CHN2: variants seen among roughly 807,000 people sequenced by gnomAD.
CHN2 encodes the protein beta-chimaerin.
A neutral mutation model predicts 56.3 loss-of-function variants in CHN2; 35 were observed. The ratio of observed to expected loss-of-function variants is 0.62; its 90% confidence interval spans 0.47 to 0.82. The LOEUF is 0.82. Ranked by LOEUF, CHN2 falls within the 40% of genes least tolerant of loss-of-function variation. CHN2 has a pLI of 0.00. For missense variants in CHN2, 491 were observed against 580.5 expected, an observed-to-expected ratio of 0.85 and a Z score of 1.58; for synonymous variants, 210 against 212.8, an observed-to-expected ratio of 0.99 and a Z score of 0.12.
intron 7 of CHN2, among the ~76,000 whole-genome samples, chr7:29,494,950 T>TA (rs5883217): frequency 0.073 from 4,683 of 64,512 alleles, 353 homozygotes; most frequent in East Asian, 0.28. Flanking sequence ...AAGCAGTTTG[T>TA]AAAAAAAAAA....
intron 6 of CHN2, among the ~76,000 whole-genome samples, chr7:29,417,994 G>C (rs964560767): frequency 6.6e-6 from 1 of 152,148 alleles, no homozygotes; most frequent in East Asian, 1.9e-4. Flanking sequence ...AGAATCTGTA[G>C]AATAGCACAC....
chr7:29,184,507 G>C (rs1347214231), intron 2 of CHN2: 2 of 152,184 alleles, frequency 1.3e-5, no homozygotes, highest in Middle Eastern at 3.2e-3. Flanking sequence ...TGTCAAGACA[G>C]CAGGCTGGAA....
chr7:29,175,199 G>GTTTTCTT, intron 2 of CHN2, among the ~76,000 whole-genome samples: 1 of 151,056 alleles, frequency 6.6e-6, no homozygotes, highest in African/African-American at 2.4e-5. Flanking sequence ...TTTTGAGACG[G>GTTTTCTT]GGCCTCTCTC....
At chr7:29,444,228 T>C (rs1181453480) in intron 6 of CHN2, among the ~76,000 whole-genome samples, 1 of 152,222 alleles carries the variant, frequency 6.6e-6, no homozygotes, top group Non-Finnish European at 1.5e-5. Context: ...AAATTCTATT[T>C]AACCCTTTGT....
chr7:29,386,669 G>A (rs1189246789), intron 3 of CHN2, among the ~76,000 whole-genome samples: 5 of 152,086 alleles, frequency 3.3e-5, no homozygotes, highest in Admixed American at 3.3e-4. Context: ...ACTGTTCTTT[G>A]GAGCTTGGCA....
intron 6 of CHN2, among the ~76,000 whole-genome samples, chr7:29,468,984 T>C (rs1785802918): frequency 6.6e-6 from 1 of 152,200 alleles, no homozygotes; most frequent in African/African-American, 2.4e-5. Context: ...CTCAGGCTTG[T>C]AAGTCCAACT....
In CHN2 at chr7:29,412,320, CTTTTTTTTTTTTT is replaced by C. The variant is rs1158746299; in HGVS notation, c.576+11508_576+11520del. On this transcript the variant is annotated intron_variant, in intron 6 of 12. Coordinates refer to ENST00000222792, the MANE Select transcript of CHN2 (RefSeq NM_004067.4). ...AGATTAAGGCGCTCTGCTAAAGAGT[CTTTTTTTTTTTTT>C]TTTTTTTTTTTTTTTGGGAGACGGA... Among the ~76,000 whole-genome samples, 22 of 69,504 alleles carry C rather than the reference CTTTTTTTTTTTTT, an allele frequency of 3.2e-4. 1 individual carries two copies. The highest frequency in any genetic ancestry group is 5.1e-4 in the East Asian group (1 of 1,942). 45.6% of individuals were successfully genotyped at this position (69,504 alleles called of 152,430 possible).
intron 1 of CHN2, among the ~76,000 whole-genome samples, chr7:29,216,830 T>G (rs1217849100): frequency 6.6e-6 from 1 of 152,226 alleles, no homozygotes; most frequent in African/African-American, 2.4e-5. Flanking sequence ...ACTTATGAAA[T>G]GCGAATGCTA....
intron 3 of CHN2, among the ~76,000 whole-genome samples, chr7:29,369,396 A>T (rs932966802): frequency 6.6e-6 from 1 of 152,238 alleles, no homozygotes; most frequent in Non-Finnish European, 1.5e-5. Context: ...GTAAATAGTC[A>T]TTCATTTATC....
At chr7:29,441,528 C>T (rs1783645709) in intron 6 of CHN2, among the ~76,000 whole-genome samples, 1 of 152,074 alleles carries the variant, frequency 6.6e-6, no homozygotes, top group Admixed American at 6.5e-5. Context: ...AGAGAACCTA[C>T]AAAATGGAGT....
chr7:29,240,210 C>A (rs1787544808), intron 1 of CHN2, among the ~76,000 whole-genome samples: 1 of 152,082 alleles, frequency 6.6e-6, no homozygotes, highest in South Asian at 2.1e-4. Flanking sequence ...GGTACACTGT[C>A]CCCTGAGCCT....
At chr7:29,433,468 G>A (rs1192381027) in intron 6 of CHN2, among the ~76,000 whole-genome samples, 1 of 152,174 alleles carries the variant, frequency 6.6e-6, no homozygotes, top group Non-Finnish European at 1.5e-5. Flanking sequence ...AGATTTTTTA[G>A]AGTGAAATGA....
At chr7:29,154,169 G>A (rs1377219560) in intron 2 of CHN2, among the ~76,000 whole-genome samples, 2 of 152,138 alleles carry the variant, frequency 1.3e-5, no homozygotes, top group Non-Finnish European at 2.9e-5. Context: ...TTGCCCCTGG[G>A]GAGGAGGGTG....
chr7:29,501,967 A>G (rs1790016529), intron 9 of CHN2, among the ~76,000 whole-genome samples: 1 of 152,218 alleles, frequency 6.6e-6, no homozygotes, highest in Admixed American at 6.5e-5. Flanking sequence ...TTCATCTATA[A>G]TATGAATGGA....
At chr7:29,300,306 G>A (rs892977129) in intron 1 of CHN2, among the ~76,000 whole-genome samples, 8 of 152,168 alleles carry the variant, frequency 5.3e-5, no homozygotes, top group African/African-American at 1.9e-4. Context: ...AAAAATAGGA[G>A]GTGAGGGTGA....
chr7:29,180,731 C>G (rs917414954), intron 2 of CHN2, among the ~76,000 whole-genome samples: 1 of 152,192 alleles, frequency 6.6e-6, no homozygotes, highest in Non-Finnish European at 1.5e-5. Context: ...TTAAGGGGCA[C>G]TAGAGTCCAG....
intron 6 of CHN2, among the ~76,000 whole-genome samples, chr7:29,468,391 C>T (rs1002082169): frequency 2.6e-5 from 4 of 152,096 alleles, no homozygotes; most frequent in Non-Finnish European, 5.9e-5. Flanking sequence ...ATGGTTTGAA[C>T]TTCCACCAAC....
chr7:29,509,272 C>G, intron 11 of CHN2, 29 bp from the exon 12 acceptor site: 1 of 1,543,062 alleles, frequency 6.5e-7, no homozygotes, highest in Non-Finnish European at 9.0e-7. Context: ...ACACTCTGAA[C>G]TAATACCCAT....
Position 29,511,281 on chromosome 7 carries a change from G to GATTA in CHN2, c.1236-1279_1236-1276dup, listed in dbSNP as rs1363817323. ...ATTTAGCTCAGAATATTCCCATTCT[G>GATTA]ATTAATTTACTGAATTTAGGAGTGC... On this transcript the variant is annotated intron_variant, in intron 12 of 12. Coordinates refer to ENST00000222792, the MANE Select transcript of CHN2 (RefSeq NM_004067.4). 2.7e-4 allele frequency among the ~76,000 whole-genome samples: 40 copies of GATTA among 146,624 alleles called. 1 individual carries two copies. The highest frequency in any genetic ancestry group is 2.7e-4 in the Non-Finnish European group (18 of 66,116).
Sources: allele counts gnomAD v4.1 joint callset (sites outside exome capture counted in the v4.1 genomes callset), GRCh38; gene constraint gnomAD v4.1.1; transcripts MANE v1.5; gene names NCBI Gene and HGNC (gene_info 2026-07-23, HGNC 2026-07-21).